The following ATG7 variants were observed in gnomAD, a reference collection of about 807,000 sequenced individuals.
ATG7 encodes the protein autophagy related 7.
A neutral mutation model predicts 82.4 loss-of-function variants in ATG7; 70 were observed. That is an observed-to-expected ratio of 0.85 (90% confidence interval 0.70 to 1.04). The LOEUF is 1.04. Among genes scored for constraint, ATG7 ranks in the 50% least tolerant of loss-of-function variants. The probability of loss-of-function intolerance (pLI) is 0.00; values close to 1 mark genes in which losing one functional copy is unlikely to be tolerated. For synonymous variants in ATG7, 287 were observed against 313.0 expected (o/e 0.92, Z 0.88); for missense variants, 792 against 864.3 (o/e 0.92, Z 1.05).
At chr3:11,348,590 A>G (rs1954947584) in intron 14 of ATG7, 1 of 152,482 alleles carries the variant, frequency 6.6e-6, no homozygotes, top group Admixed American at 6.5e-5. Flanking sequence ...CGCATGTTAC[A>G]GCTCTTAAAG....
chr3:11,491,092 G>A (rs923842714), intron 20 of ATG7, among the ~76,000 whole-genome samples: 3 of 152,152 alleles, frequency 2.0e-5, no homozygotes, highest in Admixed American at 6.5e-5. Context: ...CATTTTCCCC[G>A]TCACTTTCAG....
At position 11,459,274 on chromosome 3, in the gene ATG7, C is replaced by T. The variant is rs79912060; in HGVS notation, c.2079+32348C>T. 2.9e-3 allele frequency among the ~76,000 whole-genome samples: 446 copies of T among 151,714 alleles called. 4 individuals carry two copies. The highest frequency in any genetic ancestry group is 0.01 in the African/African-American group (424 of 41,356). ...CTGCAGAATGCTACATGAGATTTGC[C>T]CTGATTCATAGATGGCTATGGTATG... On this transcript the variant is annotated intron_variant, in intron 20 of 20. Coordinates refer to ENST00000693202, the MANE Select transcript of ATG7 (RefSeq NM_001349232.2).
intron 20 of ATG7, among the ~76,000 whole-genome samples, chr3:11,538,743 G>A (rs1284296698): frequency 2.1e-5 from 3 of 146,202 alleles, no homozygotes; most frequent in African/African-American, 7.6e-5. Context: ...ATGTGGTGGT[G>A]CAGGCCTGTG....
chr3:11,413,434 C>G (rs1359322122), intron 19 of ATG7, among the ~76,000 whole-genome samples: 4 of 152,088 alleles, frequency 2.6e-5, no homozygotes, highest in South Asian at 2.1e-4. Context: ...GCTTCCCCCC[C>G]GCCCCACTTT....
rs570747441 is a variant in ATG7 at position 11,371,821 on chromosome 3, A to AG, written c.1875+7088dup. Among the ~76,000 whole-genome samples, 18 of 151,348 alleles carry AG rather than the reference A, an allele frequency of 1.2e-4. 1 individual carries two copies. The South Asian group carries it at 3.5e-3, about 30-fold the overall frequency. On this transcript the variant is annotated intron_variant, in intron 18 of 20. Coordinates refer to ENST00000693202, the MANE Select transcript of ATG7 (RefSeq NM_001349232.2). ...CACCAACACTAGTTGTGTTTCTAAAAGACCCTTGGCACCTTGTTCCCAGTG... is the reference window on the plus strand; with the variant it reads ...CACCAACACTAGTTGTGTTTCTAAAAGGACCCTTGGCACCTTGTTCCCAGTG...
intron 15 of ATG7, among the ~76,000 whole-genome samples, chr3:11,359,211 A>G (rs2076129178): frequency 6.6e-6 from 1 of 152,120 alleles, no homozygotes; most frequent in Non-Finnish European, 1.5e-5. Context: ...TATGGGAGAG[A>G]AAGGGAGAAA....
At chr3:11,448,547 T>C (rs1453803174) in intron 20 of ATG7, among the ~76,000 whole-genome samples, 1 of 152,210 alleles carries the variant, frequency 6.6e-6, no homozygotes, top group Non-Finnish European at 1.5e-5. Flanking sequence ...AAACCAAATC[T>C]GTAATCAGGA....
At chr3:11,472,749 A>G (rs778292777) in intron 20 of ATG7, among the ~76,000 whole-genome samples, 2 of 152,166 alleles carry the variant, frequency 1.3e-5, no homozygotes, top group African/African-American at 4.8e-5. Context: ...AAATGGTTCA[A>G]CTGCTGTCTT....
chr3:11,442,602 A>G (rs1287641940), intron 20 of ATG7, among the ~76,000 whole-genome samples: 2 of 151,856 alleles, frequency 1.3e-5, no homozygotes, highest in Admixed American at 6.6e-5. Context: ...AGAATAACCT[A>G]TTTTAAAGTA....
Position 11,299,390 on chromosome 3 carries a change from A to G in ATG7, c.189A>G (p.Leu63=). 1 of 1,612,722 alleles carries G rather than the reference A, an allele frequency of 6.2e-7. No individual in the cohort carries two copies. Residue 63 remains leucine, a synonymous_variant, in exon 5 of 21, where the codon TTA becomes TTG. Transcript: ENST00000693202. The stretch of plus-strand genomic sequence containing the variant: ...ACTCTGCTGGGCTGCCAGCTCGCTT[A>G]ACATTGGAGTTCAGTGCTTTTGACA... The part of the protein sequence containing the change: ...NGDSAGLPAR[L]TLEFSAFDMS...
chr3:11,309,134 A>G (rs1479721614), intron 7 of ATG7, 73 bp downstream of exon 7: 1 of 1,361,306 alleles, frequency 7.3e-7, no homozygotes. Context: ...CCAGTAGAAC[A>G]GTCTGCTCTT....
downstream of ATG7, among the ~76,000 whole-genome samples, chr3:11,560,118 C>A (rs2072845817): frequency 1.3e-5 from 2 of 152,098 alleles, no homozygotes; most frequent in Admixed American, 6.5e-5. Context: ...CTGTTCAGAT[C>A]TCTCTCTGAA....
intron 20 of ATG7, among the ~76,000 whole-genome samples, chr3:11,477,896 A>G (rs1041137227): frequency 1.3e-5 from 2 of 152,176 alleles, no homozygotes; most frequent in Non-Finnish European, 2.9e-5. Flanking sequence ...CAGGCCTGAT[A>G]TCAGTAGCCC....
At chr3:11,457,018 C>A (rs1324715904) in intron 20 of ATG7, among the ~76,000 whole-genome samples, 2 of 152,192 alleles carry the variant, frequency 1.3e-5, no homozygotes, top group Non-Finnish European at 2.9e-5. Flanking sequence ...TAATAATGCA[C>A]CTCTGCAAGG....
chr3:11,436,372 G>C (rs2083370408), intron 20 of ATG7, among the ~76,000 whole-genome samples: 1 of 152,146 alleles, frequency 6.6e-6, no homozygotes, highest in East Asian at 1.9e-4. Flanking sequence ...ACTAGTGGGA[G>C]TGTCAAATTC....
At chr3:11,430,978 C>T (rs950211257) in intron 20 of ATG7, among the ~76,000 whole-genome samples, 6 of 152,126 alleles carry the variant, frequency 3.9e-5, no homozygotes, top group Admixed American at 2.0e-4. Context: ...TAAAGGTCTC[C>T]GAGGCCAAGT....
chr3:11,376,990 C>T (rs1453739900), intron 18 of ATG7, among the ~76,000 whole-genome samples: 4 of 152,180 alleles, frequency 2.6e-5, no homozygotes, highest in Non-Finnish European at 4.4e-5. Flanking sequence ...CCGCCCTCCT[C>T]GGCCTCCCAA....
intron 20 of ATG7, among the ~76,000 whole-genome samples, chr3:11,489,129 T>G (rs1279175453): frequency 6.6e-6 from 1 of 152,208 alleles, no homozygotes; most frequent in African/African-American, 2.4e-5. Context: ...GGTTTAGTCT[T>G]GGGAGGGTGT....
At chr3:11,475,566 G>C (rs1384981698) in intron 20 of ATG7, among the ~76,000 whole-genome samples, 1 of 152,136 alleles carries the variant, frequency 6.6e-6, no homozygotes, top group Non-Finnish European at 1.5e-5. Flanking sequence ...CTGCGGGGGA[G>C]GCTTAGATAA....
Sources: gnomAD v4.1 joint callset for allele counts (sites outside exome capture counted in the v4.1 genomes callset) on GRCh38, gnomAD v4.1.1 for gene constraint, MANE v1.5 for transcripts, NCBI Gene and HGNC (gene_info 2026-07-23, HGNC 2026-07-21) for gene names.